The following RAB30 variants were observed in gnomAD, a reference collection of about 807,000 sequenced individuals.
The protein encoded by RAB30 is ras-related protein Rab-30.
A neutral mutation model predicts 25.1 loss-of-function variants in RAB30; 9 were observed. The observed-to-expected ratio is 0.36, with a 90% CI of 0.22 to 0.63. RAB30 has a LOEUF of 0.63. RAB30 is among the 20% of genes least tolerant of loss of function. The pLI, the probability that RAB30 is intolerant of heterozygous loss-of-function variation, is 0.69. For missense variants in RAB30, 140 were observed against 243.5 expected, an observed-to-expected ratio of 0.58 and a Z score of 2.83; for synonymous variants, 77 against 86.4, an observed-to-expected ratio of 0.89 and a Z score of 0.60.
At chr11:83,011,789 TGC>T (rs1445848496) in intron 1 of RAB30, among the ~76,000 whole-genome samples, 16 of 152,174 alleles carry the variant, frequency 1.1e-4, no homozygotes, top group African/African-American at 3.6e-4. Context: ...GGGCAGCAGC[TGC>T]TGTGTTCTGC....
At chr11:82,994,558 A>G (rs1856921162) in intron 2 of RAB30, among the ~76,000 whole-genome samples, 1 of 152,210 alleles carries the variant, frequency 6.6e-6, no homozygotes, top group Non-Finnish European at 1.5e-5. Context: ...AATCAAGGAT[A>G]CTTAAAACTA....
At position 82,974,324 on chromosome 11, in the gene RAB30, C is replaced by G. The variant is rs184297189; in HGVS notation, c.*7841G>C. On this transcript the variant is annotated 3_prime_UTR_variant, in exon 5 of 5. Coordinates refer to ENST00000527633, the MANE Select transcript of RAB30 (RefSeq NM_001286060.2). ...TGTTCAAGTTTGTATTCCCTCCCCA[C>G]TTCCCTTTTTTAATGTTGATTGAAT... The G allele has an allele frequency of 6.6e-6, 1 of 152,252 alleles. No homozygotes were observed. Among genetic ancestry groups the G allele is most frequent in the Admixed American group, 6.5e-5 (1 of 15,290 alleles). The allele number at this position is 152,252 out of a possible 1,614,324, so 9.4% of individuals were successfully genotyped here.
At chr11:83,053,982 C>CA (rs1858406891) in intron 1 of RAB30, among the ~76,000 whole-genome samples, 1 of 152,126 alleles carries the variant, frequency 6.6e-6, no homozygotes, top group South Asian at 2.1e-4. Context: ...CCCAGCTACT[C>CA]AGGAGGCTGA....
In RAB30 at chr11:82,982,521, G is replaced by A. The variant is rs574622582; in HGVS notation, c.362-106C>T. The A allele has an allele frequency of 2.6e-5, 31 of 1,206,492 alleles. 1 individual carries two copies. Among genetic ancestry groups the A allele is most frequent in the African/African-American group, 2.4e-4 (16 of 65,698 alleles). The allele number at this position is 1,206,492 out of a possible 1,614,324, so 74.7% of individuals were successfully genotyped here. On this transcript the variant is annotated intron_variant, in intron 4 of 4. Transcript: ENST00000527633. ...CTGAAGTCAAGCCAGACAGATGGGC[G>A]AGTAAAACAAAACAAATGTGACTGT...
At chr11:83,004,703 TC>T (rs1303896417) in intron 1 of RAB30, among the ~76,000 whole-genome samples, 1 of 151,954 alleles carries the variant, frequency 6.6e-6, no homozygotes, top group Admixed American at 6.6e-5. Context: ...TCCAAGTATA[TC>T]CCCACATGTG....
rs974276340 is a variant in RAB30 at position 82,993,665 on chromosome 11, T to C, written c.177+374A>G. ...CAGGATAATTTAAATAAGTGATTCATAATGAAATGTAGAAATCGGGAGGCT... is the reference window on the plus strand; with the variant it reads ...CAGGATAATTTAAATAAGTGATTCACAATGAAATGTAGAAATCGGGAGGCT... On this transcript the variant is annotated intron_variant, in intron 3 of 4. Coordinates refer to ENST00000527633, the MANE Select transcript of RAB30 (RefSeq NM_001286060.2). Among the ~76,000 whole-genome samples the C allele has an allele frequency of 2.6e-5, 4 of 152,240 alleles. No homozygotes were observed. In the South Asian group the frequency reaches 6.2e-4, roughly 24 times the overall value.
chr11:82,976,534 A>T lies in RAB30; in HGVS notation c.*5631T>A, dbSNP rs1856549187. ...CACCACCGATTCCGTCAGGAACTAG[A>T]ACACAGCATCTCCAAAAATTCTGCT... On this transcript the variant is annotated 3_prime_UTR_variant, in exon 5 of 5. Transcript: ENST00000527633. The T allele has an allele frequency of 6.6e-6, 1 of 152,232 alleles. No individual in the cohort carries two copies. 9.4% of individuals were successfully genotyped at this position (152,232 alleles called of 1,614,324 possible).
chr11:82,990,638 ATCT>A (rs1235866330), intron 3 of RAB30, among the ~76,000 whole-genome samples: 3 of 152,154 alleles, frequency 2.0e-5, no homozygotes, highest in African/African-American at 7.2e-5. Flanking sequence ...GATACAGCAA[ATCT>A]TCTATTTCTA....
At chr11:83,054,974 G>T (rs911280384) in intron 1 of RAB30, among the ~76,000 whole-genome samples, 4 of 152,226 alleles carry the variant, frequency 2.6e-5, no homozygotes, top group African/African-American at 9.6e-5. Flanking sequence ...CATTTTGACT[G>T]TAGTTCAAAA....
intron 3 of RAB30, chr11:82,992,172 G>A: frequency 2.7e-6 from 1 of 368,386 alleles, no homozygotes. Context: ...TAGGACAACA[G>A]AAAGCTACAA....
intron 3 of RAB30, among the ~76,000 whole-genome samples, chr11:82,989,006 C>A (rs929142368): frequency 1.3e-5 from 2 of 151,504 alleles, no homozygotes; most frequent in Non-Finnish European, 2.9e-5. Flanking sequence ...ATCTTTCCCA[C>A]TAAACTGAAA....
chr11:83,023,610 T>C (rs923125927), intron 1 of RAB30, among the ~76,000 whole-genome samples: 1 of 152,170 alleles, frequency 6.6e-6, no homozygotes. Flanking sequence ...CCAGCTCAGA[T>C]TCACTTCCAC....
chr11:82,988,798 A>G (rs1856790177), intron 3 of RAB30, among the ~76,000 whole-genome samples: 1 of 152,140 alleles, frequency 6.6e-6, no homozygotes, highest in African/African-American at 2.4e-5. Flanking sequence ...TAATTGCACG[A>G]ATTTCACAGG....
chr11:82,976,554 T>A lies in RAB30; in HGVS notation c.*5611A>T, dbSNP rs1022783688. ...ACTAGAACACAGCATCTCCAAAAAT[T>A]CTGCTTTAAATCAATGGAAAAGTAA... On this transcript the variant is annotated 3_prime_UTR_variant, in exon 5 of 5. Coordinates refer to ENST00000527633, the MANE Select transcript of RAB30 (RefSeq NM_001286060.2). 2 of 152,118 alleles carry A rather than the reference T, an allele frequency of 1.3e-5. No homozygotes were observed. Among genetic ancestry groups the A allele is most frequent in the African/African-American group, 4.8e-5 (2 of 41,418 alleles). The allele number at this position is 152,118 out of a possible 1,614,324, so 9.4% of individuals were successfully genotyped here.
intron 1 of RAB30, among the ~76,000 whole-genome samples, chr11:83,021,884 C>T (rs1167109829): frequency 1.3e-5 from 2 of 152,202 alleles, no homozygotes; most frequent in Admixed American, 1.3e-4. Context: ...TAATTCCCTT[C>T]CTCCTAATGA....
At chr11:83,026,459 G>A (rs532695926) in intron 1 of RAB30, among the ~76,000 whole-genome samples, 2 of 152,040 alleles carry the variant, frequency 1.3e-5, no homozygotes, top group South Asian at 4.2e-4. Context: ...TTAAGAGTAC[G>A]GCACCTCTGT....
At chr11:83,007,693 G>A (rs1857214230) in intron 1 of RAB30, among the ~76,000 whole-genome samples, 1 of 152,202 alleles carries the variant, frequency 6.6e-6, no homozygotes, top group Admixed American at 6.5e-5. Flanking sequence ...GACCCACTCA[G>A]TTAACTCCCC....
chr11:83,066,850 C>G (rs1858711000), intron 1 of RAB30, among the ~76,000 whole-genome samples: 1 of 152,192 alleles, frequency 6.6e-6, no homozygotes, highest in Non-Finnish European at 1.5e-5. Context: ...CTGTGCCTGG[C>G]CTAGAATACA....
chr11:83,071,701 A>AT lies in RAB30; in HGVS notation c.-20dup, dbSNP rs925155388. 5.6e-6 allele frequency: 1 copy of AT among 177,826 alleles called. No homozygotes were observed. Among genetic ancestry groups the AT allele is most frequent in the Non-Finnish European group, 1.2e-5 (1 of 85,660 alleles). 11.0% of individuals were successfully genotyped at this position (177,826 alleles called of 1,614,324 possible). On this transcript the variant is annotated 5_prime_UTR_variant, in exon 1 of 5. The change creates a premature stop within an existing upstream ORF in the 5' untranslated region. Transcript: ENST00000527633. ...ATCACTTCAACTCACCTGGTTTGGG[A>AT]TTTTTCTCCCCACCCCAGGCATAAA...
Sources: gnomAD v4.1 joint callset for allele counts (sites outside exome capture counted in the v4.1 genomes callset) on GRCh38, gnomAD v4.1.1 for gene constraint, MANE v1.5 for transcripts, NCBI Gene and HGNC (gene_info 2026-07-23, HGNC 2026-07-21) for gene names.